Variants in SLC44A5 observed in about 807,000 individuals in gnomAD.
SLC44A5 encodes the protein choline transporter-like protein 5.
A neutral mutation model predicts 101.8 loss-of-function variants in SLC44A5; 57 were observed. The observed-to-expected ratio is 0.56, with a 90% CI of 0.45 to 0.70. The LOEUF (loss-of-function observed/expected upper bound fraction) is 0.70, where lower values mean the gene tolerates loss of function less well. SLC44A5 is among the 30% of genes least tolerant of loss of function. SLC44A5 has a pLI of 0.00. For missense variants in SLC44A5, 737 were observed against 853.1 expected, an observed-to-expected ratio of 0.86 and a Z score of 1.70; for synonymous variants, 281 against 290.9, an observed-to-expected ratio of 0.97 and a Z score of 0.35.
intron 3 of SLC44A5, among the ~76,000 whole-genome samples, chr1:75,389,507 A>G (rs541963125): frequency 6.6e-6 from 1 of 152,306 alleles, no homozygotes; most frequent in Admixed American, 6.5e-5. Flanking sequence ...ATATATATCA[A>G]CGCCAAGAGG....
At chr1:75,609,925 A>G (rs1232343885) in intron 1 of SLC44A5, among the ~76,000 whole-genome samples, 1 of 152,096 alleles carries the variant, frequency 6.6e-6, no homozygotes, top group Non-Finnish European at 1.5e-5. Context: ...GGAATCCAGA[A>G]GCAGCTTGAT....
rs1363865510 is a variant in SLC44A5, at chr1:75,219,875, G to A, written c.1103C>T (p.Pro368Leu). ...KEGSKAIGYVPSTLVYPALTF... is the reference protein window; with the variant it reads ...KEGSKAIGYVLSTLVYPALTF... Reference sequence around the variant, plus strand: ...TAAAGCTGGATAGACTAATGTACTAGGAACATATCCAATGGCTCTGAAATA... The same window carrying A: ...TAAAGCTGGATAGACTAATGTACTAAGAACATATCCAATGGCTCTGAAATA... Residue 368 changes from proline (P) to leucine (L), a missense_variant, in exon 15 of 24, where the codon CCT becomes CTT. Around this residue, in one of 3 missense-constraint regions of SLC44A5, gnomAD observed 665 missense variants for 764.4 expected, o/e 0.87. Coordinates refer to ENST00000370859, the MANE Select transcript of SLC44A5 (RefSeq NM_001130058.2). 1 of 1,608,066 alleles carries A rather than the reference G, an allele frequency of 6.2e-7. No homozygotes were observed. Among genetic ancestry groups the A allele is most frequent in the Non-Finnish European group, 8.5e-7 (1 of 1,175,976 alleles).
At chr1:75,227,675 A>G (rs1196427086) in intron 13 of SLC44A5, 51 bp downstream of exon 13, 5 of 1,460,862 alleles carry the variant, frequency 3.4e-6, no homozygotes, top group Non-Finnish European at 4.5e-6. Flanking sequence ...AGGCAAAAAG[A>G]TATTTTCTCA....
the SLC44A5 span, among the ~76,000 whole-genome samples, chr1:75,658,023 T>C: frequency 1.3e-5 from 2 of 152,174 alleles, no homozygotes; most frequent in South Asian, 2.1e-4. Context: ...ATTCTTCTCA[T>C]TGGACATGGA....
chr1:75,402,668 C>G (rs1570153806), intron 2 of SLC44A5, among the ~76,000 whole-genome samples: 1 of 152,116 alleles, frequency 6.6e-6, no homozygotes, highest in Non-Finnish European at 1.5e-5. Flanking sequence ...AGATACTACA[C>G]TTTTCCCATG....
intron 4 of SLC44A5, among the ~76,000 whole-genome samples, chr1:75,328,602 T>C (rs1656788933): frequency 6.6e-6 from 1 of 152,288 alleles, no homozygotes; most frequent in Admixed American, 6.5e-5. Context: ...TTCTAAGAGC[T>C]TCTGGTGCTG....
In SLC44A5 at chr1:75,313,305, G is replaced by A. The variant is rs113985639; in HGVS notation, c.102-12620C>T. On this transcript the variant is annotated intron_variant, in intron 4 of 23. Coordinates refer to ENST00000370859, the MANE Select transcript of SLC44A5 (RefSeq NM_001130058.2). ...GGTTTTTAACACAGAGGGAAGAAAC[G>A]ATGGTTATGGATCATTTCAGCACCA... 1.2e-3 allele frequency among the ~76,000 whole-genome samples: 176 copies of A among 152,304 alleles called. 1 individual carries two copies. The highest frequency in any genetic ancestry group is 9.7e-3 in the South Asian group (47 of 4,828).
intron 2 of SLC44A5, chr1:75,522,027 A>C (rs1229740147): frequency 6.6e-6 from 1 of 152,362 alleles, no homozygotes; most frequent in Admixed American, 6.5e-5. Flanking sequence ...GAAGCACAAC[A>C]CTCACAGTGC....
chr1:75,399,141 G>A (rs1662316202), intron 2 of SLC44A5, among the ~76,000 whole-genome samples: 2 of 151,922 alleles, frequency 1.3e-5, no homozygotes. Flanking sequence ...ATTGATGTGA[G>A]TCCTGCTCCT....
upstream of SLC44A5, among the ~76,000 whole-genome samples, chr1:75,611,372 G>A (rs1184598809): frequency 1.3e-5 from 2 of 152,128 alleles, no homozygotes; most frequent in Non-Finnish European, 2.9e-5. Context: ...ACTATTATTT[G>A]TGTCTTTCCT....
At chr1:75,266,381 T>G (rs1451164022) in intron 6 of SLC44A5, among the ~76,000 whole-genome samples, 3 of 149,244 alleles carry the variant, frequency 2.0e-5, no homozygotes, top group African/African-American at 7.5e-5. Flanking sequence ...AAACATGTAA[T>G]GATACTTTTA....
the SLC44A5 span, among the ~76,000 whole-genome samples, chr1:75,653,080 A>G: frequency 6.6e-6 from 1 of 152,216 alleles, no homozygotes; most frequent in Non-Finnish European, 1.5e-5. Context: ...GACTGAGTTA[A>G]TAGCTCAAAC....
intron 2 of SLC44A5, among the ~76,000 whole-genome samples, chr1:75,417,170 G>A (rs760971737): frequency 5.9e-5 from 9 of 152,136 alleles, no homozygotes; most frequent in African/African-American, 2.2e-4. Flanking sequence ...AACCTGGTGG[G>A]AGACAATAGA....
At chr1:75,404,122 T>C (rs1484023487) in intron 2 of SLC44A5, among the ~76,000 whole-genome samples, 2 of 151,778 alleles carry the variant, frequency 1.3e-5, no homozygotes, top group Non-Finnish European at 2.9e-5. Context: ...CAACTTAATG[T>C]AATGAAGCAT....
At position 75,344,368 on chromosome 1, in the gene SLC44A5, T is replaced by C. The variant is rs577263550; in HGVS notation, c.53-4738A>G. Among the ~76,000 whole-genome samples the C allele has an allele frequency of 8.5e-5, 13 of 152,314 alleles. No homozygotes were observed. The South Asian group carries it at 2.3e-3, about 27-fold the overall frequency. ...ATAATACAGGTTATCTGTTTTCATG[T>C]TGTGGTAGACAGAATAATGGCCTCC... On this transcript the variant is annotated intron_variant, in intron 3 of 23. Coordinates refer to ENST00000370859, the MANE Select transcript of SLC44A5 (RefSeq NM_001130058.2).
chr1:75,297,567 G>C (rs564066596), intron 5 of SLC44A5, among the ~76,000 whole-genome samples: 1 of 152,180 alleles, frequency 6.6e-6, no homozygotes, highest in Non-Finnish European at 1.5e-5. Flanking sequence ...TTATAGGCAT[G>C]AGCCACTGCC....
chr1:75,411,315 G>A lies in SLC44A5; in HGVS notation c.14-14694C>T, dbSNP rs140119255. Among the ~76,000 whole-genome samples the A allele has an allele frequency of 1.2e-3, 188 of 152,190 alleles. 5 individuals are homozygous for A. Among genetic ancestry groups the A allele is most frequent in the Non-Finnish European group, 1.6e-3 (110 of 67,986 alleles). On this transcript the variant is annotated intron_variant, in intron 2 of 23. Coordinates refer to ENST00000370859, the MANE Select transcript of SLC44A5 (RefSeq NM_001130058.2). ...CCCATGAAGTAGGCTATGCAAATTT[G>A]TCTAGTGTCAATGTACTAGTCAATT...
the SLC44A5 span, among the ~76,000 whole-genome samples, chr1:75,622,308 T>C: frequency 6.6e-6 from 1 of 152,060 alleles, no homozygotes; most frequent in Non-Finnish European, 1.5e-5. Context: ...ACACTACTAT[T>C]ACTACTAGCA....
chr1:75,315,472 G>A (rs1239756413), intron 4 of SLC44A5, among the ~76,000 whole-genome samples: 3 of 151,890 alleles, frequency 2.0e-5, no homozygotes, highest in Non-Finnish European at 2.9e-5. Context: ...ATAATTATTA[G>A]CACTCCATCC....
Sources: allele counts gnomAD v4.1 joint callset (sites outside exome capture counted in the v4.1 genomes callset), GRCh38; gene constraint gnomAD v4.1.1; regional missense constraint gnomAD v4.1.1; transcripts MANE v1.5; gene names NCBI Gene and HGNC (gene_info 2026-07-23, HGNC 2026-07-21).